Variants in EIF3L observed in about 807,000 individuals in gnomAD.
EIF3L encodes eIEF associated protein HSPC021.
Under a neutral mutation model 74.6 loss-of-function variants are expected in EIF3L, and 32 were observed. The ratio of observed to expected loss-of-function variants is 0.43; its 90% confidence interval spans 0.32 to 0.58. EIF3L has a LOEUF of 0.58. Ranked by LOEUF, EIF3L falls within the 20% of genes least tolerant of loss-of-function variation. The pLI is 0.06. For synonymous variants in EIF3L, 256 were observed against 254.4 expected (o/e 1.01, Z -0.06); for missense variants, 474 against 707.8 (o/e 0.67, Z 3.75).
chr22:37,859,548 A>AT (rs1302866270), intron 5 of EIF3L, among the ~76,000 whole-genome samples: 6 of 150,414 alleles, frequency 4.0e-5, no homozygotes, highest in African/African-American at 1.2e-4. Flanking sequence ...CACCTGGCTA[A>AT]TTTTTTTGTA....
intron 12 of EIF3L, 60 bp downstream of exon 12, chr22:37,886,905 G>A (rs761175610): frequency 2.6e-4 from 360 of 1,366,808 alleles, no homozygotes; most frequent in Non-Finnish European, 3.5e-4. Context: ...GAACTGAATC[G>A]AGAGTTTACT....
chr22:37,855,712 C>T, intron 4 of EIF3L, 68 bp downstream of exon 4: 3 of 1,354,244 alleles, frequency 2.2e-6, no homozygotes, highest in Non-Finnish European at 3.1e-6. Context: ...AGACAGGAAG[C>T]TCAAGAGGGT....
chr22:37,859,908 AG>A (rs1274488544), intron 5 of EIF3L, among the ~76,000 whole-genome samples: 2 of 152,074 alleles, frequency 1.3e-5, no homozygotes, highest in African/African-American at 4.8e-5. Flanking sequence ...GCTACTTGGA[AG>A]GCTGAGGCAG....
At chr22:37,870,461 G>A in intron 8 of EIF3L, 114 bp downstream of exon 8, 1 of 1,075,518 alleles carries the variant, frequency 9.3e-7, no homozygotes, top group East Asian at 2.5e-5. Flanking sequence ...CTTAGGTGGT[G>A]GTCTGTTGAC....
intron 8 of EIF3L, among the ~76,000 whole-genome samples, chr22:37,870,744 A>C (rs1475972393): frequency 6.6e-6 from 1 of 151,864 alleles, no homozygotes; most frequent in Non-Finnish European, 1.5e-5. Flanking sequence ...ATTTTTGCAG[A>C]TCTCTCTGTC....
chr22:37,870,369 C>G (rs79618396), intron 8 of EIF3L, 22 bp downstream of exon 8: 45,507 of 1,563,624 alleles, frequency 0.029, 940 homozygotes, highest in African/African-American at 0.077. Context: ...AGGCCGACAG[C>G]CGTGGCCTGC....
At chr22:37,872,375 C>T (rs1280320121) in intron 8 of EIF3L, among the ~76,000 whole-genome samples, 6 of 152,198 alleles carry the variant, frequency 3.9e-5, no homozygotes, top group East Asian at 1.9e-4. Context: ...CTGCCTGCCT[C>T]GGCCTCCCAA....
rs781364202 is a variant in EIF3L at position 37,858,724 on chromosome 22, T to C, written c.419T>C (p.Ile140Thr). ...TACAAAGAATTATACTACAGGCACA[T>C]ATATGCCAAAGTCAGTGTAAGTATT... is the stretch of plus-strand genomic sequence containing the variant. ...ILYKELYYRHIYAKVSGGPSL... is the reference protein window; with the variant it reads ...ILYKELYYRHTYAKVSGGPSL... Residue 140 changes from isoleucine to threonine, a missense_variant, in exon 5 of 13, where the codon ATA (isoleucine) becomes ACA (threonine). Physicochemically the swap from Ile to Thr is moderately conservative, Grantham distance 89. Transcript: ENST00000652021. 1 of 1,606,850 alleles carries C rather than the reference T, an allele frequency of 6.2e-7. No individual in the cohort carries two copies. Among genetic ancestry groups the C allele is most frequent in the Non-Finnish European group, 8.5e-7 (1 of 1,178,054 alleles).
intron 1 of EIF3L, 31 bp from the exon 2 acceptor site, chr22:37,849,984 G>A: frequency 2.5e-6 from 4 of 1,613,188 alleles, no homozygotes; most frequent in Non-Finnish European, 3.4e-6. Flanking sequence ...CGACTTGGCG[G>A]CTGTCCTTGA....
rs557659106 is a variant in EIF3L, at chr22:37,882,042, C to T, written c.1575+3871C>T. ...AAAAAGCATGCTGGGCATGATGGCT[C>T]ACGCCTGTAATCCCAGCACTTTGGG... On this transcript the variant is annotated intron_variant, in intron 11 of 12. Transcript: ENST00000652021. 2.6e-5 allele frequency: 4 copies of T among 152,394 alleles called. No individual in the cohort carries two copies. In the South Asian group the frequency reaches 8.3e-4, roughly 32 times the overall value. 9.4% of individuals were successfully genotyped at this position (152,394 alleles called of 1,614,324 possible).
Position 37,858,069 on chromosome 22 carries a change from G to A in EIF3L, c.374-610G>A, listed in dbSNP as rs141298025. Among the ~76,000 whole-genome samples the A allele has an allele frequency of 6.5e-4, 99 of 151,816 alleles. 1 individual carries two copies. In the Middle Eastern group the frequency reaches 0.014, roughly 21 times the overall value. ...CACATGCCTGTAGTCCCACCTACTC[G>A]GGAGGCTGAGGTGGAAGGATCACTT... On this transcript the variant is annotated intron_variant, in intron 4 of 12. Coordinates refer to ENST00000652021, the MANE Select transcript of EIF3L (RefSeq NM_016091.4).
chr22:37,854,850 A>G (rs1406798962), intron 3 of EIF3L, among the ~76,000 whole-genome samples: 2 of 152,124 alleles, frequency 1.3e-5, no homozygotes, highest in Admixed American at 1.3e-4. Context: ...TATATTGTCC[A>G]GGCTTGTCTT....
chr22:37,851,578 CAG>C (rs749285555), intron 3 of EIF3L, 88 bp downstream of exon 3: 2 of 730,276 alleles, frequency 2.7e-6, no homozygotes, highest in East Asian at 3.3e-5. Context: ...ACTCTGTAAA[CAG>C]TACTTTCGGG....
chr22:37,868,937 C>A (rs1359983183), intron 7 of EIF3L, among the ~76,000 whole-genome samples: 1 of 151,554 alleles, frequency 6.6e-6, no homozygotes, highest in Non-Finnish European at 1.5e-5. Flanking sequence ...CCACCGCACC[C>A]GGCCTGTTTT....
At chr22:37,862,922 A>G (rs375402985) in intron 5 of EIF3L, 47 bp from the exon 6 acceptor site, 2 of 1,454,676 alleles carry the variant, frequency 1.4e-6, no homozygotes, top group African/African-American at 2.8e-5. Context: ...GGTAAAACAC[A>G]TTAAAATTAA....
intron 11 of EIF3L, chr22:37,878,470 G>T (rs1471997271): frequency 6.9e-5 from 14 of 202,066 alleles, no homozygotes; most frequent in Non-Finnish European, 9.8e-5. Context: ...TTTTGTTTTG[G>T]TTTTTTTTTT....
chr22:37,886,602 A>C (rs1296033943), intron 11 of EIF3L, 163 bp from the exon 12 acceptor site: 1 of 478,610 alleles, frequency 2.1e-6, no homozygotes, highest in Non-Finnish European at 3.8e-6. Context: ...CTCTAGAAAG[A>C]GTGAGTTACT....
At chr22:37,864,501 G>A (rs1926036679) in intron 7 of EIF3L, among the ~76,000 whole-genome samples, 1 of 150,706 alleles carries the variant, frequency 6.6e-6, no homozygotes, top group African/African-American at 2.4e-5. Context: ...TGTGTAGCCT[G>A]GGGGTAAAAG....
chr22:37,858,881 G>A (rs1925688963), intron 5 of EIF3L, 141 bp downstream of exon 5: 1 of 746,394 alleles, frequency 1.3e-6, no homozygotes, highest in Non-Finnish European at 2.2e-6. Context: ...TTAAGAAGCG[G>A]TGGAAGGAAC....
Sources: allele counts gnomAD v4.1 joint callset (sites outside exome capture counted in the v4.1 genomes callset), GRCh38; gene constraint gnomAD v4.1.1; transcripts MANE v1.5; gene names NCBI Gene and HGNC (gene_info 2026-07-23, HGNC 2026-07-21).